LCP1: variants seen among roughly 807,000 people sequenced by gnomAD.
LCP1 encodes lymphocyte cytosolic protein 1, also known as plastin-2.
Under a neutral mutation model 72.0 loss-of-function variants are expected in LCP1, and 23 were observed. The ratio of observed to expected loss-of-function variants is 0.32; its 90% CI spans 0.23 to 0.45. The LOEUF (loss-of-function observed/expected upper bound fraction) is 0.45, where lower values mean the gene tolerates loss of function less well. Among genes scored for constraint, LCP1 ranks in the 20% least tolerant of loss-of-function variants. The probability of loss-of-function intolerance (pLI) is 1.00; values close to 1 mark genes in which losing one functional copy is unlikely to be tolerated. For missense variants in LCP1, 571 were observed against 748.3 expected (o/e 0.76, Z 2.76); for synonymous variants, 245 against 275.4 (o/e 0.89, Z 1.09).
intron 13 of LCP1, among the ~76,000 whole-genome samples, chr13:46,141,405 C>CAAAAAAAAA (rs762462829): frequency 1.9e-5 from 1 of 52,324 alleles, no homozygotes; most frequent in Non-Finnish European, 3.3e-5. Context: ...GACTCTGTCT[C>CAAAAAAAAA]AAAAAAAAAA....
chr13:46,176,900 T>TGA (rs1491179460), intron 1 of LCP1, among the ~76,000 whole-genome samples: 22 of 139,658 alleles, frequency 1.6e-4, no homozygotes, highest in East Asian at 6.9e-4. Context: ...TGTGTGTGTG[T>TGA]GTGAGAGAGC....
intron 4 of LCP1, among the ~76,000 whole-genome samples, chr13:46,156,840 G>A (rs1464957159): frequency 1.8e-5 from 2 of 108,202 alleles, no homozygotes; most frequent in Non-Finnish European, 3.9e-5. Context: ...TTTTTTTTTT[G>A]AGATGGAGTC....
In LCP1 at chr13:46,148,178, A is replaced by T. The variant is rs576717836; in HGVS notation, c.978+174T>A. On this transcript the variant is annotated intron_variant, in intron 9 of 15. Coordinates refer to ENST00000323076, the MANE Select transcript of LCP1 (RefSeq NM_002298.5). ...TCTTTCTTTAATGTTGTATTTCCAG[A>T]TTCAGTTTTCATCAATTATTATCCC... is the stretch of plus-strand genomic sequence containing the variant. Among the ~76,000 whole-genome samples the T allele has an allele frequency of 8.3e-4, 127 of 152,264 alleles. No homozygotes were observed. In the Middle Eastern group the frequency reaches 0.01, roughly 12 times the overall value.
intron 10 of LCP1, among the ~76,000 whole-genome samples, chr13:46,145,168 C>G (rs1183454075): frequency 1.3e-5 from 2 of 152,152 alleles, no homozygotes; most frequent in Admixed American, 6.5e-5. Context: ...CTTTGGATAC[C>G]AGGTAGCAGA....
At chr13:46,180,221 C>A (rs1274149492) in intron 1 of LCP1, among the ~76,000 whole-genome samples, 1 of 152,150 alleles carries the variant, frequency 6.6e-6, no homozygotes, top group Non-Finnish European at 1.5e-5. Flanking sequence ...TTATCTAGCC[C>A]ATTCCTTATC....
chr13:46,149,441 A>C (rs570250297), intron 8 of LCP1, among the ~76,000 whole-genome samples: 1 of 152,330 alleles, frequency 6.6e-6, no homozygotes, highest in South Asian at 2.1e-4. Context: ...GTCAGGCACC[A>C]ATACCATCTG....
At position 46,126,733 on chromosome 13, in the gene LCP1, C is replaced by T; in HGVS notation, c.*858G>A. 1 of 231,352 alleles carries T rather than the reference C, an allele frequency of 4.3e-6. No homozygotes were observed. The highest frequency in any genetic ancestry group is 8.6e-6 in the Non-Finnish European group (1 of 116,906). The allele number at this position is 231,352 out of a possible 1,614,324, so 14.3% of individuals were successfully genotyped here. On this transcript the variant is annotated 3_prime_UTR_variant, in exon 16 of 16. Transcript: ENST00000323076. ...CCTAAAGGATGCTTAGTTATAGCTC[C>T]ATGCTGCCGCCGAGTGGCTTGATGC...
chr13:46,159,064 A>G (rs1181057201), intron 2 of LCP1, 75 bp from the exon 3 acceptor site: 2 of 1,397,790 alleles, frequency 1.4e-6, no homozygotes, highest in Non-Finnish European at 2.0e-6. Flanking sequence ...GGAAGACTAG[A>G]TGGAAGGTGA....
chr13:46,126,297 C>A lies in LCP1; in HGVS notation c.*1294G>T, dbSNP rs936449994. The A allele has an allele frequency of 8.7e-6, 2 of 229,082 alleles. No individual in the cohort carries two copies. Among genetic ancestry groups the A allele is most frequent in the African/African-American group, 4.4e-5 (2 of 45,106 alleles). The allele number at this position is 229,082 out of a possible 1,614,324, so 14.2% of individuals were successfully genotyped here. On this transcript the variant is annotated 3_prime_UTR_variant, in exon 16 of 16. Coordinates refer to ENST00000323076, the MANE Select transcript of LCP1 (RefSeq NM_002298.5). ...TTCACAATGGCCTGTTGCTTTTTAG[C>A]CTTCAGTTGGTTTAGGGGGAAATTG...
intron 14 of LCP1, among the ~76,000 whole-genome samples, chr13:46,133,439 C>T (rs989151889): frequency 9.2e-5 from 14 of 151,970 alleles, no homozygotes; most frequent in African/African-American, 3.4e-4. Context: ...CAGCCTGGGC[C>T]ACATAGTGAG....
chr13:46,137,747 C>T (rs2045673528), intron 13 of LCP1, among the ~76,000 whole-genome samples: 1 of 152,172 alleles, frequency 6.6e-6, no homozygotes, highest in South Asian at 2.1e-4. Flanking sequence ...CTCAGTATTA[C>T]CAGTGTTTGT....
chr13:46,172,937 T>C (rs2045911589), intron 1 of LCP1, among the ~76,000 whole-genome samples: 1 of 152,142 alleles, frequency 6.6e-6, no homozygotes, highest in Non-Finnish European at 1.5e-5. Flanking sequence ...GAGAAGTAAG[T>C]GGAACCTCTG....
intron 1 of LCP1, among the ~76,000 whole-genome samples, chr13:46,164,227 CAAG>C: frequency 6.6e-6 from 1 of 152,054 alleles, no homozygotes; most frequent in Admixed American, 6.5e-5. Context: ...AAGCAGAGAA[CAAG>C]ACTACATTCT....
chr13:46,162,435 G>C (rs532121258), intron 1 of LCP1, among the ~76,000 whole-genome samples: 1 of 152,032 alleles, frequency 6.6e-6, no homozygotes, highest in Admixed American at 6.5e-5. Context: ...AAGTGCCTGC[G>C]ATTGCAGGCG....
chr13:46,150,155 G>T (rs1156822679), intron 8 of LCP1, among the ~76,000 whole-genome samples: 1 of 152,096 alleles, frequency 6.6e-6, no homozygotes, highest in Admixed American at 6.5e-5. Context: ...TTTCTCTTTG[G>T]GGAAAAGTTA....
chr13:46,137,706 G>A (rs2045673312), intron 13 of LCP1, among the ~76,000 whole-genome samples: 1 of 152,206 alleles, frequency 6.6e-6, no homozygotes, highest in Admixed American at 6.5e-5. Flanking sequence ...TGGGACGATT[G>A]TGCTATTAAA....
At chr13:46,132,090 C>T (rs1332553225) in intron 14 of LCP1, among the ~76,000 whole-genome samples, 1 of 128,112 alleles carries the variant, frequency 7.8e-6, no homozygotes, top group Non-Finnish European at 1.7e-5. Flanking sequence ...ACATTTCTTT[C>T]AGTACATTAT....
chr13:46,146,691 G>C (rs906432084), intron 10 of LCP1, among the ~76,000 whole-genome samples: 3 of 152,106 alleles, frequency 2.0e-5, no homozygotes, highest in Non-Finnish European at 4.4e-5. Context: ...ATGGATGAAC[G>C]CTTTGTTAAT....
chr13:46,170,373 C>T (rs1419857447), intron 1 of LCP1, among the ~76,000 whole-genome samples: 3 of 152,220 alleles, frequency 2.0e-5, no homozygotes, highest in African/African-American at 7.2e-5. Context: ...GCCGCAAAAG[C>T]GATTCTGTCT....
Sources: gnomAD v4.1 joint callset for allele counts (sites outside exome capture counted in the v4.1 genomes callset) on GRCh38, gnomAD v4.1.1 for gene constraint, MANE v1.5 for transcripts, NCBI Gene and HGNC (gene_info 2026-07-23, HGNC 2026-07-21) for gene names.